CEP70: variants seen among roughly 807,000 people sequenced by gnomAD.
CEP70 encodes the protein centrosomal protein 70.
In CEP70, 70 loss-of-function variants were observed where a neutral mutation model predicts 90.9. The ratio of observed to expected loss-of-function variants is 0.77; its 90% CI spans 0.64 to 0.94. CEP70 has a LOEUF of 0.94. Among genes scored for constraint, CEP70 ranks in the 40% least tolerant of loss-of-function variants. The pLI is 0.00. For missense variants in CEP70, 648 were observed against 669.0 expected (o/e 0.97, Z 0.35); for synonymous variants, 220 against 228.3 (o/e 0.96, Z 0.33).
chr3:138,529,322 CTTAGA>C, intron 9 of CEP70, 35 bp from the exon 10 acceptor site: 3 of 1,560,852 alleles, frequency 1.9e-6, no homozygotes, highest in Non-Finnish European at 1.8e-6. Flanking sequence ...AATTAACTTT[CTTAGA>C]TTACTTAGTT....
chr3:138,542,456 G>A (rs573388818), intron 6 of CEP70, among the ~76,000 whole-genome samples: 17 of 152,320 alleles, frequency 1.1e-4, no homozygotes, highest in South Asian at 4.1e-4. Context: ...GCAGCAAGTC[G>A]GGGGATGTGT....
intron 6 of CEP70, among the ~76,000 whole-genome samples, chr3:138,553,998 A>T (rs958710295): frequency 6.6e-6 from 1 of 152,124 alleles, no homozygotes; most frequent in Non-Finnish European, 1.5e-5. Flanking sequence ...GTAGTTCAAG[A>T]CTAGCCTGGC....
rs1272645717 is a variant in CEP70, at chr3:138,594,240, G to C, written c.-151C>G. ...CTCCCACCAGCAGCCAGCCGGGCCAGGTTAGGCTGGGATCAGCTACGTCAG... is the reference window on the plus strand; with the variant it reads ...CTCCCACCAGCAGCCAGCCGGGCCACGTTAGGCTGGGATCAGCTACGTCAG... On this transcript the variant is annotated 5_prime_UTR_variant, in exon 1 of 18. Coordinates refer to ENST00000264982, the MANE Select transcript of CEP70 (RefSeq NM_024491.4). The C allele has an allele frequency of 6.6e-6, 1 of 152,524 alleles. No individual in the cohort carries two copies. Among genetic ancestry groups the C allele is most frequent in the African/African-American group, 2.4e-5 (1 of 41,478 alleles). The allele number at this position is 152,524 out of a possible 1,614,324, so 9.4% of individuals were successfully genotyped here. A position where few individuals can be genotyped will look rare whatever the true frequency, so the allele number is the denominator to read the frequency against.
intron 6 of CEP70, among the ~76,000 whole-genome samples, chr3:138,565,585 G>C (rs1006656122): frequency 6.6e-6 from 1 of 152,106 alleles, no homozygotes. Flanking sequence ...ACAAGAAATG[G>C]GGAAAGGATT....
intron 6 of CEP70, among the ~76,000 whole-genome samples, chr3:138,554,761 G>T (rs918652497): frequency 6.6e-6 from 1 of 152,174 alleles, no homozygotes; most frequent in Non-Finnish European, 1.5e-5. Flanking sequence ...TAACCAAGGA[G>T]GTGAAAGACC....
chr3:138,505,809 TTCAGCCTTTTGTTCTAC>T (rs1482116463), intron 12 of CEP70, among the ~76,000 whole-genome samples: 2 of 152,164 alleles, frequency 1.3e-5, no homozygotes, highest in Admixed American at 1.3e-4. Flanking sequence ...CTCCCTCTTA[TTCAGCCTTTTGTTCTAC>T]TCAGGGCTTT....
intron 11 of CEP70, among the ~76,000 whole-genome samples, chr3:138,521,288 G>GC (rs2036597729): frequency 6.6e-6 from 1 of 151,754 alleles, no homozygotes; most frequent in Non-Finnish European, 1.5e-5. Flanking sequence ...GATGTGAGGA[G>GC]CCCCTCTGCC....
intron 6 of CEP70, among the ~76,000 whole-genome samples, chr3:138,544,197 T>C (rs190503400): frequency 2.1e-4 from 31 of 151,178 alleles, no homozygotes; most frequent in South Asian, 4.2e-4. Context: ...TCATGGTAAC[T>C]ACAAAGCAAA....
At chr3:138,539,324 T>C (rs891196154) in intron 6 of CEP70, among the ~76,000 whole-genome samples, 8 of 152,294 alleles carry the variant, frequency 5.3e-5, no homozygotes, top group African/African-American at 1.9e-4. Context: ...CTTTTTATCA[T>C]TGTTAAAGAA....
chr3:138,529,767 C>T (rs1157255659), intron 8 of CEP70, among the ~76,000 whole-genome samples: 2 of 152,158 alleles, frequency 1.3e-5, no homozygotes, highest in Admixed American at 1.3e-4. Flanking sequence ...TGAAAAAGCA[C>T]TGCTGAATAA....
At chr3:138,554,421 T>C (rs1470670715) in intron 6 of CEP70, among the ~76,000 whole-genome samples, 2 of 152,094 alleles carry the variant, frequency 1.3e-5, no homozygotes, top group East Asian at 3.9e-4. Flanking sequence ...TGAGGATGCC[T>C]ACTCTCACCA....
intron 11 of CEP70, among the ~76,000 whole-genome samples, chr3:138,517,593 C>G (rs7630101): frequency 6.6e-6 from 1 of 152,154 alleles, no homozygotes; most frequent in Non-Finnish European, 1.5e-5. Flanking sequence ...GGCGTGAGCC[C>G]AGGAGGCAGA....
At chr3:138,546,187 CTCTT>C (rs1325554617) in intron 6 of CEP70, among the ~76,000 whole-genome samples, 1 of 152,120 alleles carries the variant, frequency 6.6e-6, no homozygotes, top group Admixed American at 6.6e-5. Context: ...TCTCTTTGTA[CTCTT>C]TCTCTTTTTT....
chr3:138,581,249 T>G (rs1004975467), intron 2 of CEP70, among the ~76,000 whole-genome samples: 4 of 137,318 alleles, frequency 2.9e-5, no homozygotes, highest in Non-Finnish European at 4.6e-5. Context: ...GCCACTGCAC[T>G]CCAGACTGGG....
chr3:138,525,902 T>G (rs928800314), intron 10 of CEP70, among the ~76,000 whole-genome samples: 2 of 152,224 alleles, frequency 1.3e-5, no homozygotes, highest in Non-Finnish European at 2.9e-5. Flanking sequence ...ATTAACAGAT[T>G]TGATTCAAAT....
At chr3:138,499,627 T>C (rs993005310) in intron 16 of CEP70, among the ~76,000 whole-genome samples, 1 of 152,240 alleles carries the variant, frequency 6.6e-6, no homozygotes, top group Middle Eastern at 3.4e-3. Flanking sequence ...TCTTAGATTG[T>C]CAAGTTACTT....
chr3:138,562,160 G>A (rs1399434921), intron 6 of CEP70, among the ~76,000 whole-genome samples: 1 of 151,628 alleles, frequency 6.6e-6, no homozygotes, highest in Non-Finnish European at 1.5e-5. Context: ...AGAGAAAAAA[G>A]AATGAAAAGG....
chr3:138,507,567 T>C (rs2035101755), intron 12 of CEP70, among the ~76,000 whole-genome samples: 3 of 152,136 alleles, frequency 2.0e-5, no homozygotes, highest in Admixed American at 6.6e-5. Flanking sequence ...GACTAGAGAA[T>C]CTAAAAACAA....
chr3:138,564,511 G>T (rs1037606059), intron 6 of CEP70, among the ~76,000 whole-genome samples: 1 of 152,122 alleles, frequency 6.6e-6, no homozygotes, highest in Non-Finnish European at 1.5e-5. Flanking sequence ...GATCAAGTTG[G>T]CTTCATCTCT....
Sources: allele counts gnomAD v4.1 joint callset (sites outside exome capture counted in the v4.1 genomes callset), GRCh38; gene constraint gnomAD v4.1.1; transcripts MANE v1.5; gene names NCBI Gene and HGNC (gene_info 2026-07-23, HGNC 2026-07-21).